RNF111: variants seen among roughly 807,000 people sequenced by gnomAD.
RNF111 encodes the protein E3 ubiquitin-protein ligase Arkadia.
A neutral mutation model predicts 95.1 loss-of-function variants in RNF111; 17 were observed. That is an observed-to-expected ratio of 0.18 (90% CI 0.12 to 0.27). The LOEUF (loss-of-function observed/expected upper bound fraction) is 0.27, where lower values mean the gene tolerates loss of function less well. Among genes scored for constraint, RNF111 ranks in the 10% least tolerant of loss-of-function variants. The pLI, the probability that RNF111 is intolerant of heterozygous loss-of-function variation, is 1.00. For missense variants in RNF111, 1,189 were observed against 1,210.4 expected (o/e 0.98, Z 0.26); for synonymous variants, 440 against 414.8 (o/e 1.06, Z -0.74).
chr15:59,067,256 A>G (rs866298543), intron 6 of RNF111, among the ~76,000 whole-genome samples, 173 bp downstream of exon 6: 9 of 129,488 alleles, frequency 7.0e-5, no homozygotes, highest in Admixed American at 2.4e-4. Context: ...TTTTTTTTTA[A>G]CTCCCTCCCA....
At chr15:59,000,522 G>A (rs1293984027) in intron 1 of RNF111, among the ~76,000 whole-genome samples, 1 of 151,958 alleles carries the variant, frequency 6.6e-6, no homozygotes, top group Non-Finnish European at 1.5e-5. Context: ...GACCAGCCTG[G>A]CCAACTTGGG....
intron 1 of RNF111, among the ~76,000 whole-genome samples, chr15:58,999,190 A>G (rs1298463362): frequency 6.6e-6 from 1 of 152,242 alleles, no homozygotes; most frequent in Non-Finnish European, 1.5e-5. Context: ...GATAAATGGA[A>G]TACAGATGCA....
At chr15:59,030,436 C>T (rs1026439696) in intron 1 of RNF111, among the ~76,000 whole-genome samples, 3 of 151,982 alleles carry the variant, frequency 2.0e-5, no homozygotes, top group Non-Finnish European at 2.9e-5. Flanking sequence ...CTTTTGAATT[C>T]GAATCCTTTT....
intron 1 of RNF111, among the ~76,000 whole-genome samples, chr15:59,019,544 G>A (rs2141634992): frequency 9.0e-6 from 1 of 110,686 alleles, no homozygotes; most frequent in African/African-American, 4.0e-5. Context: ...TTTTTCATAT[G>A]GGTTTATACA....
chr15:59,031,144 T>A lies in RNF111; in HGVS notation c.322T>A (p.Cys108Ser). 6.2e-7 allele frequency: 1 copy of A among 1,614,152 alleles called. No homozygotes were observed. The highest frequency in any genetic ancestry group is 8.5e-7 in the Non-Finnish European group (1 of 1,180,006). Reference sequence around the variant, plus strand: ...GGCTGGCCCTTCGTATGTGCAGAATTGTGTTAAAGAAAACCAGGGAATATT... The same window carrying A: ...GGCTGGCCCTTCGTATGTGCAGAATAGTGTTAAAGAAAACCAGGGAATATT... ...QQAGPSYVQN[C>S]VKENQGILGL... The change falls in exon 2 of 14, where the codon TGT (cysteine) becomes AGT (serine). Residue 108 changes from cysteine (C) to serine (S), a missense_variant. Cys to Ser is a moderately radical substitution (Grantham distance 112). This residue lies in a region of RNF111 where 1,024 missense variants were observed against 925.9 expected (regional missense o/e 1.11). Transcript: ENST00000348370.
chr15:59,084,426 G>A (rs1285520614), intron 9 of RNF111, 172 bp downstream of exon 9: 16 of 513,778 alleles, frequency 3.1e-5, no homozygotes, highest in Non-Finnish European at 4.0e-5. Context: ...GAAAGAATAG[G>A]AGCTGGGGCA....
chr15:58,998,005 A>G (rs1388211379), intron 1 of RNF111, among the ~76,000 whole-genome samples: 7 of 151,478 alleles, frequency 4.6e-5, no homozygotes, highest in African/African-American at 1.7e-4. Flanking sequence ...CCCAGGTTGA[A>G]TCAATTCTCC....
At chr15:59,063,262 A>G (rs1304603011) in intron 5 of RNF111, among the ~76,000 whole-genome samples, 1 of 152,244 alleles carries the variant, frequency 6.6e-6, no homozygotes, top group Non-Finnish European at 1.5e-5. Context: ...AAAGCAGACC[A>G]TACCGTAAGT....
intron 6 of RNF111, among the ~76,000 whole-genome samples, chr15:59,073,971 C>G (rs1373693085): frequency 6.6e-6 from 1 of 152,184 alleles, no homozygotes; most frequent in Non-Finnish European, 1.5e-5. Flanking sequence ...TCTTTGGTGA[C>G]TATGTGCATT....
At chr15:59,062,070 TC>T (rs1555396794) in intron 5 of RNF111, among the ~76,000 whole-genome samples, 9 of 147,648 alleles carry the variant, frequency 6.1e-5, no homozygotes, top group African/African-American at 1.8e-4. Flanking sequence ...TTTTTTTTTT[TC>T]CCCGAGACAG....
At chr15:58,992,176 C>T (rs1384552186) in intron 1 of RNF111, among the ~76,000 whole-genome samples, 1 of 152,154 alleles carries the variant, frequency 6.6e-6, no homozygotes, top group Non-Finnish European at 1.5e-5. Context: ...TCCTGAGTAG[C>T]TGGGATTACA....
intron 1 of RNF111, among the ~76,000 whole-genome samples, chr15:59,028,837 C>T (rs911206668): frequency 7.3e-5 from 11 of 150,136 alleles, no homozygotes; most frequent in South Asian, 4.2e-4. Flanking sequence ...TGGACTGTAG[C>T]GGTGCAGTCC....
At position 59,031,539 on chromosome 15, in the gene RNF111, A is replaced by G; in HGVS notation, c.717A>G (p.Arg239=). ...GGATATTAATGCAGAGGAAGAAACG[A>G]GAAGTGTTAGCTCGAAGAAAATATG... ...KERILMQRKK[R]EVLARRKYAL... is the part of the protein sequence containing the mutation. The change falls in exon 2 of 14, where the codon CGA becomes CGG. Residue 239 remains arginine, a synonymous_variant. Coordinates refer to ENST00000348370, the MANE Select transcript of RNF111 (RefSeq NM_017610.8). 1.2e-6 allele frequency: 2 copies of G among 1,614,234 alleles called. No individual in the cohort carries two copies. The highest frequency in any genetic ancestry group is 1.7e-6 in the Non-Finnish European group (2 of 1,180,036).
chr15:59,005,094 A>G (rs1252253096), intron 1 of RNF111, among the ~76,000 whole-genome samples: 2 of 152,226 alleles, frequency 1.3e-5, no homozygotes, highest in African/African-American at 4.8e-5. Context: ...GTGTTCTCCC[A>G]AATTCCAACT....
chr15:59,000,589 A>G (rs1442410973), intron 1 of RNF111, among the ~76,000 whole-genome samples: 1 of 151,918 alleles, frequency 6.6e-6, no homozygotes, highest in Non-Finnish European at 1.5e-5. Context: ...GGGCGCCTAT[A>G]ATCCTAGCTA....
At chr15:59,018,891 T>G (rs567914742) in intron 1 of RNF111, among the ~76,000 whole-genome samples, 1 of 152,228 alleles carries the variant, frequency 6.6e-6, no homozygotes, top group African/African-American at 2.4e-5. Flanking sequence ...TTCTGCCCTC[T>G]TATTTGTGCA....
At chr15:59,010,872 C>T (rs2039767954) in intron 1 of RNF111, among the ~76,000 whole-genome samples, 1 of 152,134 alleles carries the variant, frequency 6.6e-6, no homozygotes, top group South Asian at 2.1e-4. Flanking sequence ...TAGATTCCTT[C>T]TCCTGTTATT....
chr15:59,068,014 A>G (rs1477960385), intron 6 of RNF111, among the ~76,000 whole-genome samples: 2 of 152,218 alleles, frequency 1.3e-5, no homozygotes, highest in East Asian at 1.9e-4. Flanking sequence ...AGTATTGGCA[A>G]TCACGTGGAG....
chr15:59,072,885 AAAAAAAAAC>A (rs1368397416), intron 6 of RNF111, among the ~76,000 whole-genome samples: 1 of 151,442 alleles, frequency 6.6e-6, no homozygotes, highest in East Asian at 1.9e-4. Context: ...TTTATTAAAA[AAAAAAAAAC>A]AAAACACTTC....
Sources: gnomAD v4.1 joint callset for allele counts (sites outside exome capture counted in the v4.1 genomes callset) on GRCh38, gnomAD v4.1.1 for gene constraint, gnomAD v4.1.1 regional missense constraint, MANE v1.5 for transcripts, NCBI Gene and HGNC (gene_info 2026-07-23, HGNC 2026-07-21) for gene names.